Variants in SH3D19 observed in about 807,000 individuals in gnomAD.
The protein encoded by SH3D19 is SH3 domain-containing protein 19.
In SH3D19, 58 loss-of-function variants were observed where a neutral mutation model predicts 112.1. That is an observed-to-expected ratio of 0.52 (90% CI 0.42 to 0.64). SH3D19 has a LOEUF of 0.64. Among genes scored for constraint, SH3D19 ranks in the 30% least tolerant of loss-of-function variants. SH3D19 has a pLI of 0.00. For missense variants in SH3D19, 1,090 were observed against 1,263.4 expected (o/e 0.86, Z 2.08); for synonymous variants, 391 against 448.5 (o/e 0.87, Z 1.62).
chr4:151,289,469 A>T (rs1264705185), intron 1 of SH3D19, among the ~76,000 whole-genome samples: 3 of 152,234 alleles, frequency 2.0e-5, no homozygotes, highest in Non-Finnish European at 4.4e-5. Context: ...AATATTTGCA[A>T]ATCATATATG....
At chr4:151,286,715 C>T (rs753837190) in intron 1 of SH3D19, among the ~76,000 whole-genome samples, 11 of 151,748 alleles carry the variant, frequency 7.2e-5, no homozygotes, top group Non-Finnish European at 1.3e-4. Flanking sequence ...GGCAGTGGCT[C>T]ATACCTGTAA....
chr4:151,313,122 A>C (rs1047017141), intron 1 of SH3D19, among the ~76,000 whole-genome samples: 12 of 150,218 alleles, frequency 8.0e-5, no homozygotes, highest in Non-Finnish European at 1.8e-4. Context: ...TTGCAGCTCT[A>C]CCCAAAACCT....
chr4:151,249,758 T>A (rs1335931503), intron 1 of SH3D19, among the ~76,000 whole-genome samples: 1 of 152,230 alleles, frequency 6.6e-6, no homozygotes, highest in Admixed American at 6.5e-5. Context: ...TTACTCTCTC[T>A]TTCTTCCCCT....
intron 7 of SH3D19, among the ~76,000 whole-genome samples, chr4:151,174,115 G>A (rs573228641): frequency 1.5e-4 from 23 of 152,184 alleles, no homozygotes; most frequent in Non-Finnish European, 2.8e-4. Context: ...TTTGCAACAT[G>A]TGGCTGGGTC....
intron 9 of SH3D19, among the ~76,000 whole-genome samples, chr4:151,154,397 G>A (rs923175197): frequency 6.0e-5 from 9 of 149,902 alleles, no homozygotes; most frequent in Admixed American, 5.9e-4. Flanking sequence ...GCCTCCCAAA[G>A]TGCTGGGATT....
chr4:151,157,138 G>A (rs1285527384), intron 9 of SH3D19, among the ~76,000 whole-genome samples: 1 of 152,064 alleles, frequency 6.6e-6, no homozygotes, highest in African/African-American at 2.4e-5. Flanking sequence ...TATAGTTCCA[G>A]CTACTCAGGA....
intron 1 of SH3D19, among the ~76,000 whole-genome samples, chr4:151,275,550 T>C (rs952735588): frequency 2.0e-5 from 3 of 151,928 alleles, no homozygotes; most frequent in African/African-American, 4.8e-5. Context: ...TTGAGACAGG[T>C]TCTTTCCGTC....
At chr4:151,269,068 G>T (rs1401057064) in intron 1 of SH3D19, among the ~76,000 whole-genome samples, 1 of 152,222 alleles carries the variant, frequency 6.6e-6, no homozygotes, top group Non-Finnish European at 1.5e-5. Flanking sequence ...CAGTGGAAAA[G>T]TGTTCCTATT....
In SH3D19 at chr4:151,148,199, G is replaced by A. The variant is rs1371548421; in HGVS notation, c.1818-13C>T. ...TCCATTCACAGGTCTGAAAGTCAAT[G>A]TAGTAGCCATGAGTCAGTGTTTTGA... On this transcript the variant is annotated splice_polypyrimidine_tract_variant and intron_variant, in intron 10 of 19. Coordinates refer to ENST00000604030, the MANE Select transcript of SH3D19 (RefSeq NM_001378122.1). The A allele has an allele frequency of 6.3e-7, 1 of 1,584,296 alleles. No homozygotes were observed. The highest frequency in any genetic ancestry group is 1.4e-5 in the African/African-American group (1 of 73,174).
At position 151,268,614 on chromosome 4, in the gene SH3D19, CAG is replaced by C. The variant is rs1772998385; in HGVS notation, c.113-42530_113-42529del. ...CCTCCCCCCACCCCACAACAGTCCC[CAG>C]AGTGTGATGTTCCCCTTCCTGTGTC... On this transcript the variant is annotated intron_variant, in intron 1 of 19. Transcript: ENST00000604030. Among the ~76,000 whole-genome samples the C allele has an allele frequency of 1.0e-4, 14 of 133,762 alleles. No homozygotes were observed. The South Asian group carries it at 3.8e-3, about 36-fold the overall frequency. 87.8% of individuals were successfully genotyped at this position (133,762 alleles called of 152,430 possible). A position where few individuals can be genotyped will look rare whatever the true frequency, so the allele number is the denominator to read the frequency against.
chr4:151,230,947 G>C (rs971050550), intron 1 of SH3D19, among the ~76,000 whole-genome samples: 1 of 152,082 alleles, frequency 6.6e-6, no homozygotes, highest in African/African-American at 2.4e-5. Context: ...CCAATGAAGC[G>C]ATTCTGTAGC....
At chr4:151,153,279 G>A (rs1167745750) in intron 9 of SH3D19, among the ~76,000 whole-genome samples, 8 of 151,706 alleles carry the variant, frequency 5.3e-5, no homozygotes, top group Admixed American at 4.6e-4. Context: ...ACAGGGTCTC[G>A]CTTTGTTGTC....
intron 1 of SH3D19, among the ~76,000 whole-genome samples, chr4:151,273,301 A>G (rs1388295344): frequency 6.6e-6 from 1 of 152,116 alleles, no homozygotes; most frequent in East Asian, 1.9e-4. Context: ...ATGTATTAAT[A>G]AAAGTCCAGC....
chr4:151,211,133 G>C (rs1765902160), intron 2 of SH3D19, among the ~76,000 whole-genome samples: 1 of 152,120 alleles, frequency 6.6e-6, no homozygotes, highest in Non-Finnish European at 1.5e-5. Flanking sequence ...AGCCAAGCGT[G>C]GTGGTGCATG....
At chr4:151,160,030 TAATAGGTGGTGTATCC>T (rs146592317) in intron 8 of SH3D19, among the ~76,000 whole-genome samples, 8,544 of 152,026 alleles carry the variant, frequency 0.056, 723 homozygotes, top group African/African-American at 0.19. Context: ...TGCTGCTTCT[TAATAGGTGGTGTATCC>T]AACACTCCCT....
At chr4:151,305,480 C>A (rs967861816) in intron 1 of SH3D19, among the ~76,000 whole-genome samples, 1 of 152,092 alleles carries the variant, frequency 6.6e-6, no homozygotes, top group Admixed American at 6.6e-5. Context: ...TTTAAACAAC[C>A]CAATTTTTAA....
intron 1 of SH3D19, among the ~76,000 whole-genome samples, chr4:151,285,422 G>T: frequency 6.6e-6 from 1 of 152,030 alleles, no homozygotes; most frequent in East Asian, 1.9e-4. Flanking sequence ...TAATCACAAT[G>T]GAATGAAATT....
chr4:151,223,213 C>T (rs1340946066), intron 2 of SH3D19, among the ~76,000 whole-genome samples: 3 of 150,802 alleles, frequency 2.0e-5, no homozygotes, highest in Non-Finnish European at 2.9e-5. Flanking sequence ...TTTTCAACAG[C>T]AGCTGGTATC....
At chr4:151,170,565 T>C (rs1474569459) in intron 7 of SH3D19, 1 of 152,186 alleles carries the variant, frequency 6.6e-6, no homozygotes, top group Non-Finnish European at 1.5e-5. Flanking sequence ...TAGCTTCTAT[T>C]TGTAACCTTG....
Sources: gnomAD v4.1 joint callset for allele counts (sites outside exome capture counted in the v4.1 genomes callset) on GRCh38, gnomAD v4.1.1 for gene constraint, MANE v1.5 for transcripts, NCBI Gene and HGNC (gene_info 2026-07-23, HGNC 2026-07-21) for gene names.